The following NSUN6 variants were observed in gnomAD, a reference collection of about 807,000 sequenced individuals.
NSUN6 encodes the protein NOP2/Sun RNA methyltransferase 6, also known as tRNA (cytosine(72)-C(5))-methyltransferase NSUN6.
A neutral mutation model predicts 58.0 loss-of-function variants in NSUN6; 64 were observed. That is an observed-to-expected ratio of 1.10 (90% confidence interval 0.90 to 1.36). NSUN6 has a LOEUF of 1.36. Among genes scored for constraint, NSUN6 ranks in the 40% most tolerant of loss-of-function variants. The probability of loss-of-function intolerance (pLI) is 0.00; values close to 1 mark genes in which losing one functional copy is unlikely to be tolerated. For synonymous variants in NSUN6, 231 were observed against 193.9 expected (o/e 1.19, Z -1.59); for missense variants, 701 against 550.1 (o/e 1.27, Z -2.74).
At chr10:18,592,983 G>C (rs2057435852) in intron 7 of NSUN6, among the ~76,000 whole-genome samples, 1 of 152,022 alleles carries the variant, frequency 6.6e-6, no homozygotes, top group Non-Finnish European at 1.5e-5. Context: ...CTAATAACCA[G>C]AATCTACGAA....
chr10:18,643,813 T>G (rs747980916), intron 2 of NSUN6, among the ~76,000 whole-genome samples: 1 of 152,206 alleles, frequency 6.6e-6, no homozygotes, highest in African/African-American at 2.4e-5. Flanking sequence ...TGATTTAGAC[T>G]ATAGAAATAT....
At chr10:18,630,220 C>A (rs887901439) in intron 3 of NSUN6, among the ~76,000 whole-genome samples, 9 of 147,942 alleles carry the variant, frequency 6.1e-5, no homozygotes, top group African/African-American at 2.3e-4. Context: ...AACAAAGACA[C>A]AACATACCAG....
intron 3 of NSUN6, among the ~76,000 whole-genome samples, chr10:18,629,997 C>G (rs796443019): frequency 6.0e-5 from 9 of 150,508 alleles, no homozygotes; most frequent in East Asian, 3.9e-4. Context: ...TGACCACATA[C>G]TTGGAAGTAA....
At chr10:18,570,561 C>T (rs1218041495) in intron 8 of NSUN6, among the ~76,000 whole-genome samples, 3 of 146,842 alleles carry the variant, frequency 2.0e-5, no homozygotes, top group Admixed American at 6.8e-5. Flanking sequence ...TTCCATTCTC[C>T]ATTCCAATCC....
intron 6 of NSUN6, among the ~76,000 whole-genome samples, chr10:18,602,712 T>C (rs1294265467): frequency 1.3e-5 from 2 of 152,158 alleles, no homozygotes; most frequent in African/African-American, 2.4e-5. Context: ...TGGCAGCCTT[T>C]GGCAGTCCAG....
At chr10:18,566,471 C>A (rs1429532454) in intron 8 of NSUN6, among the ~76,000 whole-genome samples, 2 of 142,310 alleles carry the variant, frequency 1.4e-5, no homozygotes, top group East Asian at 3.9e-4. Context: ...CCATTCCATT[C>A]TCCATTCCAT....
chr10:18,587,951 C>T (rs1230927436), intron 7 of NSUN6, among the ~76,000 whole-genome samples: 3 of 152,066 alleles, frequency 2.0e-5, no homozygotes, highest in African/African-American at 4.8e-5. Flanking sequence ...GGAAAGGGGG[C>T]TAATGCCAGG....
At chr10:18,590,910 G>A (rs1459328384) in intron 7 of NSUN6, among the ~76,000 whole-genome samples, 1 of 151,650 alleles carries the variant, frequency 6.6e-6, no homozygotes, top group Non-Finnish European at 1.5e-5. Context: ...AGAAATGAAG[G>A]GGACAGAGAC....
intron 3 of NSUN6, among the ~76,000 whole-genome samples, chr10:18,634,081 A>G (rs2059130437): frequency 6.6e-6 from 1 of 152,220 alleles, no homozygotes; most frequent in East Asian, 1.9e-4. Context: ...TCAATGCATG[A>G]TAAGCAGAAA....
chr10:18,597,719 T>G (rs188734199), intron 6 of NSUN6, among the ~76,000 whole-genome samples: 1 of 152,096 alleles, frequency 6.6e-6, no homozygotes, highest in Non-Finnish European at 1.5e-5. Context: ...TGAGCAGAGA[T>G]AGCGTCAATG....
At chr10:18,653,148 G>A (rs149266064), upstream of NSUN6, 77 of 984,970 alleles carry the variant, frequency 7.8e-5, no homozygotes, top group African/African-American at 1.1e-3. Context: ...AGCGATAAAG[G>A]AGGAGAAACA....
intron 8 of NSUN6, among the ~76,000 whole-genome samples, chr10:18,566,051 T>G (rs1163458492): frequency 6.6e-6 from 1 of 151,408 alleles, no homozygotes; most frequent in Non-Finnish European, 1.5e-5. Flanking sequence ...CTCTATTCCA[T>G]TCTCCATTCT....
chr10:18,560,429 T>C (rs2055405902), intron 8 of NSUN6, among the ~76,000 whole-genome samples: 1 of 140,170 alleles, frequency 7.1e-6, no homozygotes, highest in Non-Finnish European at 1.5e-5. Flanking sequence ...GAACAGAAAA[T>C]GGAGAATGGA....
rs2054215739 is a variant in NSUN6 at position 18,545,811 on chromosome 10, C to G, written c.*122G>C. The G allele has an allele frequency of 5.9e-6, 4 of 678,292 alleles. No individual in the cohort carries two copies. Among genetic ancestry groups the G allele is most frequent in the East Asian group, 2.6e-5 (1 of 38,280 alleles). 42.0% of individuals were successfully genotyped at this position (678,292 alleles called of 1,614,324 possible). On this transcript the variant is annotated 3_prime_UTR_variant, in exon 11 of 11. Coordinates refer to ENST00000377304, the MANE Select transcript of NSUN6 (RefSeq NM_182543.5). ...GATCCCTGGTAAAACAGCTGGCAGC[C>G]TTTTCTGTTTCCATAGCAACCACAT...
chr10:18,572,496 C>A (rs2056424378), intron 8 of NSUN6, among the ~76,000 whole-genome samples: 1 of 151,038 alleles, frequency 6.6e-6, no homozygotes, highest in Admixed American at 6.6e-5. Flanking sequence ...CCATTCCACT[C>A]CCCATTCCAT....
At chr10:18,595,406 G>A (rs979418502) in intron 7 of NSUN6, among the ~76,000 whole-genome samples, 1 of 152,144 alleles carries the variant, frequency 6.6e-6, no homozygotes, top group Non-Finnish European at 1.5e-5. Context: ...ATAATTTAAT[G>A]GAGAATTAAC....
chr10:18,607,847 C>T (rs1026080147), intron 6 of NSUN6, among the ~76,000 whole-genome samples: 3 of 152,216 alleles, frequency 2.0e-5, no homozygotes, highest in Admixed American at 2.0e-4. Flanking sequence ...TGAAAAACTA[C>T]TAATACCTAC....
Position 18,616,215 on chromosome 10 carries a change from G to C in NSUN6, c.390C>G (p.Val130=), listed in dbSNP as rs375637979. 2 of 1,600,498 alleles carry C rather than the reference G, an allele frequency of 1.2e-6. No individual in the cohort carries two copies. Among genetic ancestry groups the C allele is most frequent in the South Asian group, 1.1e-5 (1 of 90,808 alleles). Residue 130 remains valine (V), a synonymous_variant, in exon 4 of 11, where the codon GTC becomes GTG. Coordinates refer to ENST00000377304, the MANE Select transcript of NSUN6 (RefSeq NM_182543.5). The stretch of plus-strand genomic sequence containing the variant: ...ATGCTGACACAATTCCTGGGGCATA[G>C]ACATGGGCTCCTCTTAAAACTGCAT... ...CGNAVLRGAH[V]YAPGIVSASQ...
intron 8 of NSUN6, among the ~76,000 whole-genome samples, chr10:18,583,667 T>C (rs542277890): frequency 7.8e-4 from 119 of 152,180 alleles, no homozygotes; most frequent in African/African-American, 2.8e-3. Flanking sequence ...TTTCATCAAA[T>C]AGAGAATATC....
Sources: allele counts gnomAD v4.1 joint callset (sites outside exome capture counted in the v4.1 genomes callset), GRCh38; gene constraint gnomAD v4.1.1; transcripts MANE v1.5; gene names NCBI Gene and HGNC (gene_info 2026-07-23, HGNC 2026-07-21).